ZFHX4: variants seen among roughly 807,000 people sequenced by gnomAD.
ZFHX4 encodes the protein zinc finger homeobox protein 4.
A neutral mutation model predicts 267.6 loss-of-function variants in ZFHX4; 56 were observed. The observed-to-expected ratio is 0.21, with a 90% confidence interval of 0.17 to 0.26. The LOEUF is 0.26. Among genes scored for constraint, ZFHX4 ranks in the 10% least tolerant of loss-of-function variants. ZFHX4 has a pLI of 1.00. For synonymous variants in ZFHX4, 1,778 were observed against 1,665.6 expected (o/e 1.07, Z -1.64); for missense variants, 4,332 against 4,420.0 (o/e 0.98, Z 0.56).
rs1298084267 is a variant in ZFHX4 at position 76,704,634 on chromosome 8, T to G, written c.546T>G (p.Ser182=). 2.5e-6 allele frequency: 4 copies of G among 1,614,060 alleles called. No homozygotes were observed. The highest frequency in any genetic ancestry group is 1.3e-5 in the African/African-American group (1 of 75,068). ...GAGAGAAGAGTGATCAGTCTGCTTC[T>G]GCACCTATGTCGTTCTACCCACAGA... is the stretch of plus-strand genomic sequence containing the variant. ...SAGEKSDQSA[S]APMSFYPQII... The change falls in exon 2 of 11, where the codon TCT becomes TCG. Residue 182 remains serine (S), a synonymous_variant. Coordinates refer to ENST00000651372, the MANE Select transcript of ZFHX4 (RefSeq NM_024721.5).
intron 1 of ZFHX4, among the ~76,000 whole-genome samples, chr8:76,692,171 A>T (rs1186674135): frequency 6.6e-6 from 1 of 152,102 alleles, no homozygotes; most frequent in Non-Finnish European, 1.5e-5. Flanking sequence ...AAATTAGGAC[A>T]GAAACAGTTT....
At chr8:76,737,632 T>C (rs114580401) in intron 3 of ZFHX4, among the ~76,000 whole-genome samples, 136 of 152,338 alleles carry the variant, frequency 8.9e-4, no homozygotes, top group African/African-American at 3.1e-3. Context: ...ATTCTTTTAC[T>C]ACCTATATAA....
chr8:76,856,256 T>C lies in ZFHX4; in HGVS notation c.9335T>C (p.Met3112Thr). ...PGLPPVLLPG[M>T]NGPSSLPGFP... ...CTTCCTCCAGTCCTTCTCCCCGGAA[T>C]GAACGGTCCATCCTCCTTGCCGGGA... The change falls in exon 10 of 11, where the codon ATG (methionine) becomes ACG (threonine). Residue 3112 changes from methionine to threonine, a missense_variant. Coordinates refer to ENST00000651372, the MANE Select transcript of ZFHX4 (RefSeq NM_024721.5). The C allele has an allele frequency of 6.2e-7, 1 of 1,613,934 alleles. No individual in the cohort carries two copies. The highest frequency in any genetic ancestry group is 8.5e-7 in the Non-Finnish European group (1 of 1,179,854).
intron 1 of ZFHX4, among the ~76,000 whole-genome samples, chr8:76,691,645 C>T (rs1807826882): frequency 6.6e-6 from 1 of 152,090 alleles, no homozygotes; most frequent in South Asian, 2.1e-4. Flanking sequence ...CTTATTCAAC[C>T]TATAAGATAC....
At chr8:76,744,967 T>C (rs1223853647) in intron 3 of ZFHX4, among the ~76,000 whole-genome samples, 1 of 152,104 alleles carries the variant, frequency 6.6e-6, no homozygotes, top group African/African-American at 2.4e-5. Flanking sequence ...AAAGTACTCT[T>C]CTTGTGATGC....
In ZFHX4 at chr8:76,852,476, T is replaced by C; in HGVS notation, c.5555T>C (p.Val1852Ala). Residue 1852 changes from valine (V) to alanine (A), a missense_variant, in exon 10 of 11, where the codon GTG (valine) becomes GCG (alanine). Val to Ala is a moderately conservative substitution (Grantham distance 64). Around this residue, in one of 7 missense-constraint regions of ZFHX4, gnomAD observed 1,371 missense variants for 1,423.1 expected, o/e 0.96. Transcript: ENST00000651372. ...GCAGACTGCCAAATCATGAAGGATGTGCCATCTTATAAGGAGGCAGAAGAT... is the reference window on the plus strand; with the variant it reads ...GCAGACTGCCAAATCATGAAGGATGCGCCATCTTATAAGGAGGCAGAAGAT... ...VSADCQIMKD[V>A]PSYKEAEDIS... is the part of the protein sequence containing the mutation. The C allele has an allele frequency of 1.3e-6, 2 of 1,585,262 alleles. No individual in the cohort carries two copies. Among genetic ancestry groups the C allele is most frequent in the Non-Finnish European group, 1.7e-6 (2 of 1,165,216 alleles).
At chr8:76,860,944 A>ATAG (rs1440956160) in intron 10 of ZFHX4, among the ~76,000 whole-genome samples, 2 of 152,174 alleles carry the variant, frequency 1.3e-5, no homozygotes, top group African/African-American at 4.8e-5. Flanking sequence ...AATCCCAGAC[A>ATAG]TAGAACTGTA....
At chr8:76,715,580 C>T (rs1052892675) in intron 3 of ZFHX4, among the ~76,000 whole-genome samples, 2 of 147,692 alleles carry the variant, frequency 1.4e-5, no homozygotes, top group African/African-American at 5.0e-5. Flanking sequence ...TGTGGTATAA[C>T]TCTTGGGAAA....
chr8:76,726,750 A>T (rs192362844), intron 3 of ZFHX4, among the ~76,000 whole-genome samples: 211 of 152,278 alleles, frequency 1.4e-3, no homozygotes, highest in African/African-American at 4.8e-3. Context: ...ATCTTCCTTG[A>T]CTATGAAAGG....
intron 1 of ZFHX4, among the ~76,000 whole-genome samples, chr8:76,703,137 A>G (rs1423539341): frequency 6.6e-6 from 1 of 152,112 alleles, no homozygotes; most frequent in Non-Finnish European, 1.5e-5. Context: ...TTGCAAAAAA[A>G]CTTTAAAAAA....
chr8:76,800,787 T>C (rs556800094), intron 4 of ZFHX4, among the ~76,000 whole-genome samples: 2 of 152,304 alleles, frequency 1.3e-5, no homozygotes, highest in East Asian at 3.9e-4. Flanking sequence ...TAAGTTTTTA[T>C]TAGCAGCAAG....
Position 76,707,677 on chromosome 8 carries a change from G to T in ZFHX4, c.2722G>T (p.Val908Phe). ...AGCGCTGAAGCTATTCCAGTGTGCT[G>T]TTTGCAACAAATTCACCTCTGACAG... is the stretch of plus-strand genomic sequence containing the variant. ...DPALKLFQCA[V>F]CNKFTSDSLE... Residue 908 changes from valine (V) to phenylalanine (F), a missense_variant, in exon 3 of 11, where the codon GTT becomes TTT. Val to Phe is a conservative substitution (Grantham distance 50). Transcript: ENST00000651372. 1 of 1,613,790 alleles carries T rather than the reference G, an allele frequency of 6.2e-7. No homozygotes were observed. Among genetic ancestry groups the T allele is most frequent in the Non-Finnish European group, 8.5e-7 (1 of 1,179,878 alleles).
At chr8:76,833,997 T>C (rs1321132300) in intron 5 of ZFHX4, 2 of 263,714 alleles carry the variant, frequency 7.6e-6, no homozygotes, top group South Asian at 4.1e-5. Context: ...TAGTTTTTTT[T>C]AGATTGGTTT....
In ZFHX4 at chr8:76,849,537, A is replaced by G. The variant is rs770386723; in HGVS notation, c.3671A>G (p.Tyr1224Cys). The change falls in exon 8 of 11, where the codon TAC becomes TGC. Residue 1224 changes from tyrosine to cysteine, a missense_variant. This residue lies in a region of ZFHX4 where 1,371 missense variants were observed against 1,423.1 expected (regional missense o/e 0.96). Transcript: ENST00000651372. ...EQFYQCPYCN[Y>C]NSRDQSRIQM... is the part of the protein sequence containing the mutation. Reference sequence around the variant, plus strand: ...TTCTATCAATGTCCTTATTGTAACTACAATAGTAGGGACCAAAGTCGTATC... The same window carrying G: ...TTCTATCAATGTCCTTATTGTAACTGCAATAGTAGGGACCAAAGTCGTATC... 4 of 1,613,928 alleles carry G rather than the reference A, an allele frequency of 2.5e-6. No individual in the cohort carries two copies. In the South Asian group the frequency reaches 3.3e-5, roughly 13 times the overall value.
chr8:76,710,566 C>G (rs1482347573), intron 3 of ZFHX4, among the ~76,000 whole-genome samples: 3 of 152,110 alleles, frequency 2.0e-5, no homozygotes, highest in African/African-American at 7.2e-5. Flanking sequence ...ACAGTAATCT[C>G]CTCTATAAAA....
intron 5 of ZFHX4, among the ~76,000 whole-genome samples, chr8:76,839,118 G>C (rs1206171857): frequency 6.8e-6 from 1 of 147,690 alleles, no homozygotes; most frequent in East Asian, 2.0e-4. Context: ...TGGGAAATAA[G>C]TACAATTGGG....
intron 4 of ZFHX4, among the ~76,000 whole-genome samples, chr8:76,794,323 G>T (rs780647533): frequency 6.6e-6 from 1 of 152,122 alleles, no homozygotes; most frequent in Non-Finnish European, 1.5e-5. Flanking sequence ...GGACAACGAG[G>T]TTTTTGTTTT....
chr8:76,820,125 G>C (rs1334944930), intron 4 of ZFHX4, among the ~76,000 whole-genome samples: 2 of 152,124 alleles, frequency 1.3e-5, no homozygotes, highest in African/African-American at 4.8e-5. Flanking sequence ...AGGGAATTCT[G>C]CCTTTGGCTG....
At chr8:76,820,556 T>G (rs2131863315) in intron 4 of ZFHX4, among the ~76,000 whole-genome samples, 1 of 152,328 alleles carries the variant, frequency 6.6e-6, no homozygotes, top group Non-Finnish European at 1.5e-5. Context: ...AGTACCAATT[T>G]GCCACACACT....
Sources: allele counts gnomAD v4.1 joint callset (sites outside exome capture counted in the v4.1 genomes callset), GRCh38; gene constraint gnomAD v4.1.1; regional missense constraint gnomAD v4.1.1; transcripts MANE v1.5; gene names NCBI Gene and HGNC (gene_info 2026-07-23, HGNC 2026-07-21).